Variants in NCAPH2 observed in about 807,000 individuals in gnomAD.
NCAPH2 encodes condensin-2 complex subunit H2.
A neutral mutation model predicts 88.6 loss-of-function variants in NCAPH2; 56 were observed. The observed-to-expected ratio is 0.63, with a 90% CI of 0.51 to 0.79. The LOEUF is 0.79. NCAPH2 is among the 30% of genes least tolerant of loss of function. The probability of loss-of-function intolerance (pLI) is 0.00; values close to 1 mark genes in which losing one functional copy is unlikely to be tolerated. For missense variants in NCAPH2, 794 were observed against 792.0 expected (o/e 1.00, Z -0.03); for synonymous variants, 378 against 313.6 (o/e 1.21, Z -2.17).
intron 2 of NCAPH2, among the ~76,000 whole-genome samples, chr22:50,516,863 GCCT>G (rs886681884): frequency 1.3e-5 from 2 of 152,200 alleles, no homozygotes; most frequent in Non-Finnish European, 2.9e-5. Flanking sequence ...ACTTGTGGGT[GCCT>G]CATTGTCAGC....
rs111623618 is a variant in NCAPH2 at position 50,524,511 on chromosome 22, A to G, written c.*1136A>G. On this transcript the variant is annotated 3_prime_UTR_variant, in exon 20 of 20. Transcript: ENST00000420993. ...CCCTGCGACTTGAGACCAGCCACCCATCTGAAGGACCCAGCCCACGTTCAG... is the reference window on the plus strand; with the variant it reads ...CCCTGCGACTTGAGACCAGCCACCCGTCTGAAGGACCCAGCCCACGTTCAG... 3.9e-5 allele frequency: 49 copies of G among 1,245,754 alleles called. 1 individual carries two copies. The African/African-American group carries it at 5.9e-4, about 15-fold the overall frequency. 77.2% of individuals were successfully genotyped at this position (1,245,754 alleles called of 1,614,324 possible).
At chr22:50,509,947 T>C (rs2068740034) in intron 1 of NCAPH2, among the ~76,000 whole-genome samples, 1 of 152,208 alleles carries the variant, frequency 6.6e-6, no homozygotes, top group Non-Finnish European at 1.5e-5. Flanking sequence ...TTTATATATT[T>C]TGAGACGGAG....
chr22:50,519,580 G>A, intron 9 of NCAPH2: 1 of 1,259,374 alleles, frequency 7.9e-7, no homozygotes, highest in Non-Finnish European at 1.0e-6. Flanking sequence ...GCCCTGTCGA[G>A]CTCACGGCAA....
At position 50,519,179 on chromosome 22, in the gene NCAPH2, T is replaced by C. The variant is rs370553463; in HGVS notation, c.731-11T>C. ...TCCTTGGAGCTGATCACTCTCTTGC[T>C]CCCTGCCTAGGCCCCTCTCCAGAAG... is the stretch of plus-strand genomic sequence containing the variant. On this transcript the variant is annotated splice_polypyrimidine_tract_variant and intron_variant, in intron 8 of 19. Transcript: ENST00000420993. The C allele has an allele frequency of 1.9e-5, 30 of 1,601,600 alleles. No individual in the cohort carries two copies. The highest frequency in any genetic ancestry group is 1.7e-4 in the Middle Eastern group (1 of 5,794).
At position 50,523,357 on chromosome 22, in the gene NCAPH2, C is replaced by G; in HGVS notation, c.1800C>G (p.Pro600=). The part of the protein sequence containing the change: ...AHKRFQTYAA[P]SMAQP ...AGCGCTTCCAGACCTACGCTGCCCCCTCCATGGCCCAGCCCTGAGTGGGGA... is the reference window on the plus strand; with the variant it reads ...AGCGCTTCCAGACCTACGCTGCCCCGTCCATGGCCCAGCCCTGAGTGGGGA... Residue 600 remains proline (P), a synonymous_variant, in exon 20 of 20, where the codon CCC becomes CCG. Transcript: ENST00000420993. The G allele has an allele frequency of 6.4e-7, 1 of 1,552,628 alleles. No homozygotes were observed. The highest frequency in any genetic ancestry group is 1.2e-5 in the South Asian group (1 of 84,794).
intron 2 of NCAPH2, 71 bp downstream of exon 2, chr22:50,516,619 G>T: frequency 7.0e-7 from 1 of 1,433,216 alleles, no homozygotes; most frequent in African/African-American, 1.4e-5. Flanking sequence ...TCCTTCTGGG[G>T]CAGGTGCAGT....
In NCAPH2 at chr22:50,524,657, G is replaced by A. The variant is rs779524497; in HGVS notation, c.*1282G>A. On this transcript the variant is annotated 3_prime_UTR_variant, in exon 20 of 20. Transcript: ENST00000420993. ...TACCTGGGATCACCAGCCTGTCACC[G>A]CACCCTGCCCTGCACCTGCACCTCA... 1.3e-5 allele frequency: 9 copies of A among 691,950 alleles called. No homozygotes were observed. The highest frequency in any genetic ancestry group is 7.5e-5 in the South Asian group (5 of 66,530). The allele number at this position is 691,950 out of a possible 1,614,324, so 42.9% of individuals were successfully genotyped here. A position where few individuals can be genotyped will look rare whatever the true frequency, so the allele number is the denominator to read the frequency against.
intron 2 of NCAPH2, 93 bp from the exon 3 acceptor site, chr22:50,517,334 C>A: frequency 7.5e-7 from 1 of 1,336,096 alleles, no homozygotes; most frequent in Non-Finnish European, 1.1e-6. Context: ...GTGGTGGTGG[C>A]CAGGCCTCGT....
At position 50,524,438 on chromosome 22, in the gene NCAPH2, C is replaced by T. The variant is rs1356778402; in HGVS notation, c.*1063C>T. The T allele has an allele frequency of 1.2e-6, 2 of 1,608,564 alleles. No individual in the cohort carries two copies. The highest frequency in any genetic ancestry group is 1.3e-5 in the African/African-American group (1 of 74,828). ...GATCTGATGCTCCTGGAAACAAGCA[C>T]AGGCGTCAGGAGCCAGAAGGGAAGG... On this transcript the variant is annotated 3_prime_UTR_variant, in exon 20 of 20. Transcript: ENST00000420993.
Position 50,523,387 on chromosome 22 carries a change from C to G in NCAPH2, c.*12C>G, listed in dbSNP as rs201691943. 19 of 1,536,802 alleles carry G rather than the reference C, an allele frequency of 1.2e-5. No homozygotes were observed. The highest frequency in any genetic ancestry group is 1.6e-5 in the Non-Finnish European group (18 of 1,140,326). On this transcript the variant is annotated 3_prime_UTR_variant, in exon 20 of 20. Transcript: ENST00000420993. ...TGGCCCAGCCCTGAGTGGGGAGCAC[C>G]GAGGCAGGGGTGGGGGAATGTGTAC...
At chr22:50,517,555 A>G in intron 3 of NCAPH2, 22 bp from the exon 4 acceptor site, 2 of 1,614,030 alleles carry the variant, frequency 1.2e-6, no homozygotes, top group African/African-American at 2.7e-5. Context: ...TGGGATGCCC[A>G]CGGGATGTGC....
intron 1 of NCAPH2, among the ~76,000 whole-genome samples, chr22:50,514,669 C>T (rs1008210621): frequency 3.3e-5 from 5 of 152,228 alleles, no homozygotes; most frequent in Non-Finnish European, 5.9e-5. Flanking sequence ...CCTCCATGTT[C>T]CCTTCTTTCT....
intron 7 of NCAPH2, 101 bp from the exon 8 acceptor site, chr22:50,518,548 C>G (rs2068993709): frequency 3.2e-6 from 4 of 1,257,366 alleles, no homozygotes; most frequent in African/African-American, 1.5e-5. Context: ...CTGCTGGTCT[C>G]TGCCCTCCTG....
rs1272727181 is a variant in NCAPH2 at position 50,522,224 on chromosome 22, A to G, written c.1206A>G (p.Glu402=). ...LYWTHVKEQL[E]TLRKLQRREV... is the part of the protein sequence containing the mutation. ...GGACACACGTGAAGGAGCAGTTGGA[A>G]ACTCTCCGGAAGCTGCAGAGGAGGG... is the stretch of plus-strand genomic sequence containing the variant. The change falls in exon 14 of 20, where the codon GAA becomes GAG. Residue 402 remains glutamate, a synonymous_variant. Transcript: ENST00000420993. The G allele has an allele frequency of 6.2e-7, 1 of 1,613,774 alleles. No individual in the cohort carries two copies. Among genetic ancestry groups the G allele is most frequent in the East Asian group, 2.2e-5 (1 of 44,876 alleles).
chr22:50,509,916 T>G (rs549919540), intron 1 of NCAPH2, among the ~76,000 whole-genome samples: 2 of 152,182 alleles, frequency 1.3e-5, no homozygotes, highest in African/African-American at 4.8e-5. Context: ...GGGAATCTTC[T>G]TTTTTGTTTT....
In NCAPH2 at chr22:50,521,783, G is replaced by A. The variant is rs553057344; in HGVS notation, c.1043G>A (p.Gly348Glu). The change falls in exon 12 of 20, where the codon GGA (glycine) becomes GAA (glutamate). Residue 348 changes from glycine to glutamate, a missense_variant. By Grantham distance (98) the Gly-to-Glu change is moderately conservative. Transcript: ENST00000420993. ...CCCCCCTGTGTGGAGGAGGCTCTGG[G>A]ACAGAAGCGCAAGAGGAAGGGCGCT... is the stretch of plus-strand genomic sequence containing the variant. ...SVPPCVEEALGQKRKRKGAAK... is the reference protein window; with the variant it reads ...SVPPCVEEALEQKRKRKGAAK... The A allele has an allele frequency of 1.2e-6, 2 of 1,614,012 alleles. No homozygotes were observed. Among genetic ancestry groups the A allele is most frequent in the Non-Finnish European group, 1.7e-6 (2 of 1,180,042 alleles).
Position 50,516,325 on chromosome 22 carries a change from T to G in NCAPH2, c.109-122T>G, listed in dbSNP as rs6010135. On this transcript the variant is annotated intron_variant, in intron 1 of 19. Transcript: ENST00000420993. ...AGGGACAACCGGTGAGCCCACAGCA[T>G]AGCTAGAGCTGCCCGTCTCGGGAGG... is the stretch of plus-strand genomic sequence containing the variant. The G allele has an allele frequency of 0.015, 11,996 of 798,946 alleles. 962 individuals carry two copies. The African/African-American group carries it at 0.18, about 12-fold the overall frequency. 49.5% of individuals were successfully genotyped at this position (798,946 alleles called of 1,614,324 possible).
At chr22:50,513,083 C>T (rs758965528) in intron 1 of NCAPH2, among the ~76,000 whole-genome samples, 1 of 152,196 alleles carries the variant, frequency 6.6e-6, no homozygotes, top group African/African-American at 2.4e-5. Context: ...GTGTTAAGCA[C>T]CTGTTTTATG....
intron 1 of NCAPH2, among the ~76,000 whole-genome samples, chr22:50,509,383 A>C (rs1414865397): frequency 6.6e-6 from 1 of 152,044 alleles, no homozygotes; most frequent in Non-Finnish European, 1.5e-5. Context: ...GGAACTCTTC[A>C]TTTTTCTGCT....
Sources: allele counts gnomAD v4.1 joint callset (sites outside exome capture counted in the v4.1 genomes callset), GRCh38; gene constraint gnomAD v4.1.1; transcripts MANE v1.5; gene names NCBI Gene and HGNC (gene_info 2026-07-23, HGNC 2026-07-21).